The following TTN variants were observed in gnomAD, a reference collection of about 807,000 sequenced individuals.
The protein encoded by TTN is connectin.
A neutral mutation model predicts 3,223.0 loss-of-function variants in TTN; 1,525 were observed. The ratio of observed to expected loss-of-function variants is 0.47; its 90% CI spans 0.45 to 0.49. The LOEUF is 0.49. Ranked by LOEUF, TTN falls within the 20% of genes least tolerant of loss-of-function variation. The pLI is 0.00. For missense variants in TTN, 40,786 were observed against 43,424.0 expected, an observed-to-expected ratio of 0.94 and a Z score of 5.40; for synonymous variants, 14,094 against 15,161.0, an observed-to-expected ratio of 0.93 and a Z score of 5.17.
Position 178,575,610 on chromosome 2 carries a change from T to C in TTN, c.70522A>G (p.Arg23508Gly), listed in dbSNP as rs1709797711. The C allele has an allele frequency of 6.2e-7, 1 of 1,613,530 alleles. No individual in the cohort carries two copies. The highest frequency in any genetic ancestry group is 1.7e-5 in the Admixed American group (1 of 59,992). The change falls in exon 326 of 363, where the codon AGA becomes GGA. Residue 23508 changes from arginine to glycine, a missense_variant. Arg to Gly is a moderately radical substitution (Grantham distance 125). Transcript: ENST00000589042. The surrounding 1 kb of genome is among the most constrained non-coding windows in gnomAD (Gnocchi z 4.0). The part of the protein sequence containing the change: ...GLSEGCEYFF[R>G]VMAENEYGIG... The stretch of plus-strand genomic sequence containing the variant: ...CCATATTCATTCTCTGCCATCACTC[T>C]GAAGAAATATTCACACCCTTCAGAC...
intron 40 of TTN, 123 bp from the exon 41 acceptor site, chr2:178,766,735 TGTA>T: frequency 1.3e-6 from 1 of 750,576 alleles, no homozygotes; most frequent in Non-Finnish European, 2.2e-6. Flanking sequence ...TATATTATAA[TGTA>T]ATAAGTTGGC....
At chr2:178,754,993 C>A (rs2086542839) in intron 46 of TTN, among the ~76,000 whole-genome samples, 1 of 152,096 alleles carries the variant, frequency 6.6e-6, no homozygotes, top group South Asian at 2.1e-4. Context: ...TGCATTGCCC[C>A]CTTTTCATCC....
In TTN at chr2:178,550,236, A is replaced by G. The variant is rs776217449; in HGVS notation, c.91602T>C (p.Asp30534=). The G allele has an allele frequency of 3.1e-6, 5 of 1,613,420 alleles. No individual in the cohort carries two copies. Among genetic ancestry groups the G allele is most frequent in the Non-Finnish European group, 4.2e-6 (5 of 1,179,572 alleles). Residue 30534 remains aspartate, a synonymous_variant, in exon 337 of 363, where the codon GAT becomes GAC. Transcript: ENST00000589042. ...PIVEFGPEYF[D]GLIIKSGESL... ...TCTCTCCGGACTTAATAATGAGACCATCAAAGTATTCAGGGCCAAACTCTA... is the reference window on the plus strand; with the variant it reads ...TCTCTCCGGACTTAATAATGAGACCGTCAAAGTATTCAGGGCCAAACTCTA...
chr2:178,562,034 T>C lies in TTN; in HGVS notation c.84098A>G (p.Tyr28033Cys), dbSNP rs765843742. 1.9e-6 allele frequency: 3 copies of C among 1,613,400 alleles called. No homozygotes were observed. Among genetic ancestry groups the C allele is most frequent in the Non-Finnish European group, 2.5e-6 (3 of 1,179,668 alleles). Residue 28033 changes from tyrosine (Y) to cysteine (C), a missense_variant, in exon 326 of 363, where the codon TAT (tyrosine) becomes TGT (cysteine). By Grantham distance (194) the Tyr-to-Cys change is radical (BLOSUM62 -2). Transcript: ENST00000589042. ...AGCACTGTTTGAAACACATAATTCATAAGTTCCAACATCTTCCTTTGAAGC... is the reference window on the plus strand; with the variant it reads ...AGCACTGTTTGAAACACATAATTCACAAGTTCCAACATCTTCCTTTGAAGC... ...KEASKEDVGT[Y>C]ELCVSNSAGS...
At chr2:178,726,274 G>C (rs2079319458) in intron 69 of TTN, 1 of 407,256 alleles carries the variant, frequency 2.5e-6, no homozygotes, top group Non-Finnish European at 4.3e-6. Flanking sequence ...TTACTGAACA[G>C]TTCAACATTC....
intron 106 of TTN, 49 bp from the exon 107 acceptor site, chr2:178,702,712 T>G: frequency 6.7e-7 from 1 of 1,499,772 alleles, no homozygotes; most frequent in Non-Finnish European, 9.0e-7. Context: ...AGAGAGGAAT[T>G]TCTTTTACTT....
intron 240 of TTN, among the ~76,000 whole-genome samples, chr2:178,626,083 C>T (rs938005175): frequency 1.8e-4 from 28 of 151,770 alleles, no homozygotes; most frequent in African/African-American, 6.3e-4. Context: ...CTTAGAAAAG[C>T]GAATTCATGA....
In TTN at chr2:178,686,281, C is replaced by T. The variant is rs371761925; in HGVS notation, c.32312-683G>A. Among the ~76,000 whole-genome samples the T allele has an allele frequency of 6.0e-4, 90 of 149,528 alleles. No individual in the cohort carries two copies. The East Asian group carries it at 0.015, about 26-fold the overall frequency. ...GACTACAGGCGCCCGCCACTACGCCCGGCTAATTTTTTGTATTTTTAGTAG... is the reference window on the plus strand; with the variant it reads ...GACTACAGGCGCCCGCCACTACGCCTGGCTAATTTTTTGTATTTTTAGTAG... On this transcript the variant is annotated intron_variant, in intron 127 of 362. Transcript: ENST00000589042.
At chr2:178,624,828 C>T in intron 241 of TTN, 97 bp from the exon 242 acceptor site, 1 of 1,407,116 alleles carries the variant, frequency 7.1e-7, no homozygotes, top group Non-Finnish European at 9.7e-7. Flanking sequence ...GGGCTTTGTT[C>T]TGTCCTAAGT....
chr2:178,770,657 G>C lies in TTN; in HGVS notation c.8135C>G (p.Thr2712Ser). The C allele has an allele frequency of 6.2e-7, 1 of 1,612,910 alleles. No homozygotes were observed. The highest frequency in any genetic ancestry group is 8.5e-7 in the Non-Finnish European group (1 of 1,179,960). The change falls in exon 35 of 363, where the codon ACT (threonine) becomes AGT (serine). Residue 2712 changes from threonine (T) to serine (S), a missense_variant. Coordinates refer to ENST00000589042, the MANE Select transcript of TTN (RefSeq NM_001267550.2). ...LKVEAVKIKK[T>S]LKNLTVTETQ... ...TTCTGTCACTGTGAGGTTCTTCAGA[G>C]TCTTCTTAATTTTGACAGCTAAAGA...
rs1440086089 is a variant in TTN at position 178,536,463 on chromosome 2, G to A, written c.100284C>T (p.Tyr33428=). The A allele has an allele frequency of 4.4e-6, 7 of 1,603,230 alleles. No homozygotes were observed. The Admixed American group carries it at 6.8e-5, about 16-fold the overall frequency. ...TCTGCTTCTTCTCACGCTTCTCAAG[G>A]TAGTAATTTCTAATCTTTGCACCTC... ...SDGGAKIRNY[Y]LEKREKKQNK... The change falls in exon 357 of 363, where the codon TAC becomes TAT. Residue 33428 remains tyrosine, a synonymous_variant. Coordinates refer to ENST00000589042, the MANE Select transcript of TTN (RefSeq NM_001267550.2).
At chr2:178,650,039 T>C (rs1332757036) in intron 210 of TTN, 125 bp downstream of exon 210, 1 of 1,306,420 alleles carries the variant, frequency 7.7e-7, no homozygotes, top group Non-Finnish European at 1.1e-6. Flanking sequence ...GAAATAACTT[T>C]TGTTCTTAAT....
chr2:178,528,266 ATACT>A lies in TTN; in HGVS notation c.107377+4_107377+7del. On this transcript the variant is annotated splice_donor_5th_base_variant and intron_variant, in intron 361 of 362. Coordinates refer to ENST00000589042, the MANE Select transcript of TTN (RefSeq NM_001267550.2). ...ACATGTAAGGAAGAAGGGTGAGGAG[ATACT>A]TACGAAGGACCATTAAGGAAGCTGT... 6.2e-7 allele frequency: 1 copy of A among 1,613,234 alleles called. No homozygotes were observed.
At chr2:178,625,518 G>T in intron 240 of TTN, 122 bp from the exon 241 acceptor site, 1 of 1,034,102 alleles carries the variant, frequency 9.7e-7, no homozygotes, top group Non-Finnish European at 1.3e-6. Context: ...CATCTATTTA[G>T]CACGTATGCA....
Position 178,746,185 on chromosome 2 carries a change from C to A in TTN, c.11312-4264G>T, listed in dbSNP as rs1320941480. 5 of 1,613,096 alleles carry A rather than the reference C, an allele frequency of 3.1e-6. No individual in the cohort carries two copies. Among genetic ancestry groups the A allele is most frequent in the African/African-American group, 1.3e-5 (1 of 74,842 alleles). ...ACCACTTAACTTCGGGAGTCGGGAT[C>A]CCTATGACTGAACATTTGAATACAG... is the stretch of plus-strand genomic sequence containing the variant. On this transcript the variant is annotated intron_variant, in intron 47 of 362. Coordinates refer to ENST00000589042, the MANE Select transcript of TTN (RefSeq NM_001267550.2).
Position 178,670,233 on chromosome 2 carries a change from C to T in TTN, c.35371G>A (p.Val11791Ile). ...EKVRVPEEPRVPPTKAPEVPK... is the reference protein window; with the variant it reads ...EKVRVPEEPRIPPTKAPEVPK... The stretch of plus-strand genomic sequence containing the variant: ...AGCCAGTTACCTTTAGTTGGTGGAA[C>T]TCTGGGCTCTTCAGGAACACGTACT... The change falls in exon 157 of 363, where the codon GTT (valine) becomes ATT (isoleucine). Residue 11791 changes from valine (V) to isoleucine (I), a missense_variant. Coordinates refer to ENST00000589042, the MANE Select transcript of TTN (RefSeq NM_001267550.2). 6.7e-7 allele frequency: 1 copy of T among 1,482,664 alleles called. No homozygotes were observed. 91.8% of individuals were successfully genotyped at this position (1,482,664 alleles called of 1,614,324 possible).
At chr2:178,682,312 G>A (rs189016474) in intron 135 of TTN, among the ~76,000 whole-genome samples, 7 of 151,984 alleles carry the variant, frequency 4.6e-5, no homozygotes, top group Admixed American at 2.0e-4. Flanking sequence ...ATCATACTCC[G>A]TAATAGCAAG....
At chr2:178,671,226 C>T in intron 155 of TTN, 56 bp from the exon 156 acceptor site, 1 of 1,334,708 alleles carries the variant, frequency 7.5e-7, no homozygotes, top group Non-Finnish European at 1.0e-6. Context: ...TTTTGGAGCA[C>T]TACTACTAAC....
rs749135942 is a variant in TTN, at chr2:178,712,056, A to G, written c.27774T>C (p.Asn9258=). 1.2e-6 allele frequency: 2 copies of G among 1,613,830 alleles called. No homozygotes were observed. Among genetic ancestry groups the G allele is most frequent in the Non-Finnish European group, 1.7e-6 (2 of 1,179,778 alleles). The change falls in exon 96 of 363, where the codon AAT becomes AAC. Residue 9258 remains asparagine, a synonymous_variant. Coordinates refer to ENST00000589042, the MANE Select transcript of TTN (RefSeq NM_001267550.2). ...CCTGGTTGAAAACCAGTGTAGCAAC[A>G]TTATTCCTAAAATGCATTTTGTAAG... ...TTTYKMHFRN[N]VATLVFNQVD...
Sources: allele counts gnomAD v4.1 joint callset (sites outside exome capture counted in the v4.1 genomes callset), GRCh38; gene constraint gnomAD v4.1.1; non-coding constraint Gnocchi (gnomAD v3.1); transcripts MANE v1.5; gene names NCBI Gene and HGNC (gene_info 2026-07-23, HGNC 2026-07-21).